Variants in PWWP2B observed in about 807,000 individuals in gnomAD.
PWWP2B encodes the protein PWWP domain-containing protein 2B.
PWWP2B carries 9 observed loss-of-function variants against 15.5 expected under a neutral mutation model. That is an observed-to-expected ratio of 0.58 (90% confidence interval 0.35 to 1.02). The LOEUF is 1.02. Ranked by LOEUF, PWWP2B falls within the 50% of genes least tolerant of loss-of-function variation. The pLI, the probability that PWWP2B is intolerant of heterozygous loss-of-function variation, is 0.02. For missense variants in PWWP2B, 864 were observed against 865.3 expected (o/e 1.00, Z 0.02); for synonymous variants, 474 against 403.6 (o/e 1.17, Z -2.09).
chr10:132,404,755 C>G lies in PWWP2B; in HGVS notation c.255C>G (p.Pro85=), dbSNP rs200332939. The change falls in exon 2 of 3, where the codon CCC becomes CCG. Residue 85 remains proline (P), a synonymous_variant. Transcript: ENST00000305233. ...AEVMQLGSSS[P]PPARGVQPPE... ...TGATGCAGCTGGGGTCCAGCTCCCC[C>G]CCTCCTGCCCGCGGGGTTCAGCCCC... The G allele has an allele frequency of 1.1e-4, 174 of 1,594,712 alleles. No individual in the cohort carries two copies. The highest frequency in any genetic ancestry group is 8.4e-4 in the South Asian group (76 of 90,076).
chr10:132,403,381 C>G (rs989786360), intron 1 of PWWP2B, among the ~76,000 whole-genome samples: 1 of 152,250 alleles, frequency 6.6e-6, no homozygotes, highest in African/African-American at 2.4e-5. Context: ...AAAATTGCAT[C>G]TGGTTTGTTA....
chr10:132,416,793 C>T (rs919898583), intron 2 of PWWP2B, among the ~76,000 whole-genome samples: 2 of 152,146 alleles, frequency 1.3e-5, no homozygotes, highest in Non-Finnish European at 2.9e-5. Context: ...CTGGCTTCTC[C>T]GTGGCCCTGC....
intron 2 of PWWP2B, among the ~76,000 whole-genome samples, chr10:132,415,076 C>T (rs1039050403): frequency 6.6e-6 from 1 of 152,234 alleles, no homozygotes; most frequent in African/African-American, 2.4e-5. Flanking sequence ...AATTCACCTT[C>T]GTATTTCTAG....
Position 132,417,445 on chromosome 10 carries a change from G to C in PWWP2B, c.*401G>C. The stretch of plus-strand genomic sequence containing the variant: ...GAACCAGGCCTGGCGCCCCGGCCTC[G>C]CCCAGCGGCTGGTGTGGGCAGCTGT... On this transcript the variant is annotated 3_prime_UTR_variant, in exon 3 of 3. Coordinates refer to ENST00000305233, the MANE Select transcript of PWWP2B (RefSeq NM_138499.4). 2 of 314,022 alleles carry C rather than the reference G, an allele frequency of 6.4e-6. No individual in the cohort carries two copies. Among genetic ancestry groups the C allele is most frequent in the South Asian group, 8.7e-5 (2 of 22,942 alleles). The allele number at this position is 314,022 out of a possible 1,614,324, so 19.5% of individuals were successfully genotyped here. A position where few individuals can be genotyped will look rare whatever the true frequency, so the allele number is the denominator to read the frequency against.
chr10:132,414,947 C>A (rs1198847602), intron 2 of PWWP2B, among the ~76,000 whole-genome samples: 1 of 152,102 alleles, frequency 6.6e-6, no homozygotes, highest in Non-Finnish European at 1.5e-5. Flanking sequence ...TCCTGCTCCC[C>A]CTGGGACGTG....
chr10:132,403,931 G>GC (rs1170522041), intron 1 of PWWP2B, among the ~76,000 whole-genome samples: 1 of 152,200 alleles, frequency 6.6e-6, no homozygotes, highest in African/African-American at 2.4e-5. Flanking sequence ...AGAGGGCTCA[G>GC]CCCCGGGCCA....
chr10:132,410,575 G>T lies in PWWP2B; in HGVS notation c.*16+4286G>T, dbSNP rs889963354. ...CAGCACCACTGCAGGGGAGGGGGGC[G>T]TGCCCAGAGGGGCGGCGGGCTGCCT... On this transcript the variant is annotated intron_variant, in intron 2 of 2. Coordinates refer to ENST00000305233, the MANE Select transcript of PWWP2B (RefSeq NM_138499.4). Among the ~76,000 whole-genome samples, 13 of 152,184 alleles carry T rather than the reference G, an allele frequency of 8.5e-5. No individual in the cohort carries two copies. In the South Asian group the frequency reaches 1.2e-3, roughly 15 times the overall value.
chr10:132,404,830 C>A lies in PWWP2B; in HGVS notation c.330C>A (p.Pro110=). The A allele has an allele frequency of 6.4e-7, 1 of 1,567,952 alleles. No homozygotes were observed. The highest frequency in any genetic ancestry group is 8.6e-7 in the Non-Finnish European group (1 of 1,161,202). Residue 110 remains proline (P), a synonymous_variant, in exon 2 of 3, where the codon CCC becomes CCA. Coordinates refer to ENST00000305233, the MANE Select transcript of PWWP2B (RefSeq NM_138499.4). ...CCCCGCCCCTCGTGCCGCCGCTGCC[C>A]GCCGGAAGCCTGCCCCCGTACCCTC... is the stretch of plus-strand genomic sequence containing the variant. The part of the protein sequence containing the change: ...EPPPPLVPPL[P]AGSLPPYPPY...
intron 1 of PWWP2B, among the ~76,000 whole-genome samples, chr10:132,400,976 G>A (rs1418970627): frequency 6.6e-6 from 1 of 152,246 alleles, no homozygotes; most frequent in Non-Finnish European, 1.5e-5. Context: ...CTGCCAGCGA[G>A]TGCAGGGGGC....
At chr10:132,398,114 C>T (rs902077813) in intron 1 of PWWP2B, among the ~76,000 whole-genome samples, 49 of 152,374 alleles carry the variant, frequency 3.2e-4, no homozygotes, top group Middle Eastern at 3.4e-3. Context: ...AGGCTGTGGC[C>T]TCGCTGCGCT....
At chr10:132,408,598 C>A (rs1392312881) in intron 2 of PWWP2B, among the ~76,000 whole-genome samples, 1 of 152,348 alleles carries the variant, frequency 6.6e-6, no homozygotes, top group East Asian at 1.9e-4. Context: ...CCTGGCCTGG[C>A]CCCAGCCGCT....
chr10:132,412,795 G>A (rs1233519878), intron 2 of PWWP2B, among the ~76,000 whole-genome samples: 1 of 152,222 alleles, frequency 6.6e-6, no homozygotes, highest in African/African-American at 2.4e-5. Flanking sequence ...GGGTAGATGT[G>A]GGGGCTGGTT....
chr10:132,407,232 C>T (rs1480288264), intron 2 of PWWP2B, among the ~76,000 whole-genome samples: 1 of 152,118 alleles, frequency 6.6e-6, no homozygotes, highest in Non-Finnish European at 1.5e-5. Flanking sequence ...CTTGTCTTCC[C>T]AGCAGGAGAA....
intron 2 of PWWP2B, among the ~76,000 whole-genome samples, chr10:132,414,550 T>C (rs1290575536): frequency 1.3e-5 from 2 of 152,046 alleles, no homozygotes; most frequent in East Asian, 3.9e-4. Context: ...TCCCTAGAAG[T>C]TTGGGAGGGA....
chr10:132,406,096 T>C lies in PWWP2B; in HGVS notation c.1596T>C (p.Gly532=). Residue 532 remains glycine, a synonymous_variant, in exon 2 of 3, where the codon GGT becomes GGC. Transcript: ENST00000305233. The part of the protein sequence containing the change: ...SWREAKVSWF[G]SPTTSFLSIS... ...GAGAAGCGAAGGTCTCGTGGTTTGGTTCTCCGACTACGTCGTTCTTGTCTA... is the reference window on the plus strand; with the variant it reads ...GAGAAGCGAAGGTCTCGTGGTTTGGCTCTCCGACTACGTCGTTCTTGTCTA... 6.2e-7 allele frequency: 1 copy of C among 1,613,814 alleles called. No homozygotes were observed. The highest frequency in any genetic ancestry group is 8.5e-7 in the Non-Finnish European group (1 of 1,179,968).
intron 2 of PWWP2B, among the ~76,000 whole-genome samples, chr10:132,407,532 T>C (rs2069716117): frequency 6.6e-6 from 1 of 152,160 alleles, no homozygotes; most frequent in African/African-American, 2.4e-5. Flanking sequence ...ACCCTGCGTA[T>C]TGGGGTTCCG....
chr10:132,414,615 C>T (rs2069820121), intron 2 of PWWP2B, among the ~76,000 whole-genome samples: 1 of 152,230 alleles, frequency 6.6e-6, no homozygotes, highest in East Asian at 1.9e-4. Context: ...GGGTCGGCCT[C>T]TACCTCGCTG....
rs2069667736 is a variant in PWWP2B at position 132,404,937 on chromosome 10, G to A, written c.437G>A (p.Arg146Lys). 4 of 1,594,468 alleles carry A rather than the reference G, an allele frequency of 2.5e-6. No individual in the cohort carries two copies. Among genetic ancestry groups the A allele is most frequent in the Non-Finnish European group, 3.4e-6 (4 of 1,177,860 alleles). ...CTGTGGGTGCCCCAGCCGCCGCCCA[G>A]GACCATCAAGCGCACGCGGCGGCGT... ...YKLWVPQPPP[R>K]TIKRTRRRLS... is the part of the protein sequence containing the mutation. The change falls in exon 2 of 3, where the codon AGG becomes AAG. Residue 146 changes from arginine to lysine, a missense_variant. Arg to Lys is a conservative substitution (Grantham distance 26). Transcript: ENST00000305233.
At chr10:132,398,664 C>G (rs2069570416) in intron 1 of PWWP2B, among the ~76,000 whole-genome samples, 1 of 151,992 alleles carries the variant, frequency 6.6e-6, no homozygotes, top group African/African-American at 2.4e-5. Context: ...AGGCCCATGG[C>G]TAACCTGGTT....
Sources: gnomAD v4.1 joint callset for allele counts (sites outside exome capture counted in the v4.1 genomes callset) on GRCh38, gnomAD v4.1.1 for gene constraint, MANE v1.5 for transcripts, NCBI Gene and HGNC (gene_info 2026-07-23, HGNC 2026-07-21) for gene names.